OXNAD1: variants seen among roughly 807,000 people sequenced by gnomAD.
The protein encoded by OXNAD1 is oxidoreductase NAD binding domain containing 1, also known as oxidoreductase NAD-binding domain-containing protein 1.
A neutral mutation model predicts 32.9 loss-of-function variants in OXNAD1; 34 were observed. That is an observed-to-expected ratio of 1.03 (90% CI 0.79 to 1.38). OXNAD1 has a LOEUF of 1.38. Ranked by LOEUF, OXNAD1 falls within the 40% of genes most tolerant of loss-of-function variation. OXNAD1 has a pLI of 0.00. For synonymous variants in OXNAD1, 134 were observed against 135.2 expected, an observed-to-expected ratio of 0.99 and a Z score of 0.06; for missense variants, 407 against 379.4, an observed-to-expected ratio of 1.07 and a Z score of -0.60.
intron 4 of OXNAD1, chr3:16,275,291 C>G (rs187297816): frequency 6.5e-6 from 1 of 154,118 alleles, no homozygotes; most frequent in Non-Finnish European, 1.5e-5. Context: ...AATTTGTGGT[C>G]AAGCGCAGTG....
chr3:16,273,771 CTTAA>C (rs1008693208), intron 4 of OXNAD1, among the ~76,000 whole-genome samples: 5 of 152,328 alleles, frequency 3.3e-5, no homozygotes, highest in African/African-American at 1.2e-4. Context: ...CATTAACATA[CTTAA>C]TTATGTTGAC....
chr3:16,306,764 C>T (rs796418928), downstream of OXNAD1, among the ~76,000 whole-genome samples: 10 of 152,196 alleles, frequency 6.6e-5, no homozygotes, highest in African/African-American at 2.4e-4. Flanking sequence ...TGTTTATATT[C>T]GGATTCAAGA....
chr3:16,340,901 G>GGATAT (rs2071274477), downstream of OXNAD1, among the ~76,000 whole-genome samples: 1 of 152,172 alleles, frequency 6.6e-6, no homozygotes, highest in African/African-American at 2.4e-5. Context: ...ATCTGCAAAA[G>GGATAT]CCATATCTGA....
chr3:16,324,318 G>T (rs187807531), intron 9 of OXNAD1, among the ~76,000 whole-genome samples: 1 of 152,244 alleles, frequency 6.6e-6, no homozygotes, highest in Admixed American at 6.5e-5. Flanking sequence ...TTTAGGAACT[G>T]TAAACTATAC....
downstream of OXNAD1, among the ~76,000 whole-genome samples, chr3:16,340,269 C>G (rs760776602): frequency 1.6e-4 from 25 of 152,238 alleles, no homozygotes; most frequent in Non-Finnish European, 3.2e-4. Flanking sequence ...CAAACCGCAG[C>G]ATGAAATAAG....
rs1394570164 is a variant in OXNAD1 at position 16,284,786 on chromosome 3, C to T, written c.184-1556C>T. Reference sequence around the variant, plus strand: ...AGGTAACTTGCCCAGAGTCACACAGCTGGTAAGCGGTAGAGCCAGGACTAA... The same window carrying T: ...AGGTAACTTGCCCAGAGTCACACAGTTGGTAAGCGGTAGAGCCAGGACTAA... On this transcript the variant is annotated intron_variant, in intron 4 of 8. Transcript: ENST00000285083. This position sits in a 1 kb window ranked among gnomAD's most constrained non-coding sequence, Gnocchi z 4.1. Among the ~76,000 whole-genome samples the T allele has an allele frequency of 6.6e-6, 1 of 152,242 alleles. No homozygotes were observed. Among genetic ancestry groups the T allele is most frequent in the African/African-American group, 2.4e-5 (1 of 41,472 alleles).
chr3:16,301,479 C>G lies in OXNAD1; in HGVS notation c.433-147C>G, dbSNP rs2067177074. On this transcript the variant is annotated intron_variant, in intron 6 of 8. Transcript: ENST00000285083. The surrounding 1 kb of genome is among the most constrained non-coding windows in gnomAD (Gnocchi z 4.1). The stretch of plus-strand genomic sequence containing the variant: ...AAAATGAGCAAGTGGAATCAATTCA[C>G]AGGGCATCGGGAAAATTGGGAGCAA... 2 of 936,160 alleles carry G rather than the reference C, an allele frequency of 2.1e-6. No individual in the cohort carries two copies. Among genetic ancestry groups the G allele is most frequent in the Admixed American group, 2.8e-5 (1 of 35,788 alleles). The allele number at this position is 936,160 out of a possible 1,614,324, so 58.0% of individuals were successfully genotyped here. A position where few individuals can be genotyped will look rare whatever the true frequency, so the allele number is the denominator to read the frequency against.
At chr3:16,276,953 C>G (rs1451709243) in intron 4 of OXNAD1, among the ~76,000 whole-genome samples, 2 of 140,550 alleles carry the variant, frequency 1.4e-5, no homozygotes, top group East Asian at 2.0e-4. Flanking sequence ...GACAGAGTCT[C>G]TTTCTTGTTG....
At chr3:16,281,847 A>C (rs2125024220) in intron 4 of OXNAD1, among the ~76,000 whole-genome samples, 1 of 151,930 alleles carries the variant, frequency 6.6e-6, no homozygotes, top group East Asian at 1.9e-4. Flanking sequence ...GTATTTTAAC[A>C]GATTATTATA....
intron 9 of OXNAD1, among the ~76,000 whole-genome samples, chr3:16,332,630 A>G (rs369197392): frequency 6.6e-6 from 1 of 152,160 alleles, no homozygotes; most frequent in African/African-American, 2.4e-5. Flanking sequence ...CTCCCATCCC[A>G]TGGTGATTTA....
At chr3:16,308,184 T>C (rs2067703366), downstream of OXNAD1, among the ~76,000 whole-genome samples, 1 of 152,224 alleles carries the variant, frequency 6.6e-6, no homozygotes, top group Non-Finnish European at 1.5e-5. This position sits in a 1 kb window ranked among gnomAD's most constrained non-coding sequence, Gnocchi z 4.4. Flanking sequence ...GAGTAACACA[T>C]TGAGAACATT....
chr3:16,286,216 T>C (rs1254802527), intron 4 of OXNAD1, 126 bp from the exon 5 acceptor site: 2 of 705,248 alleles, frequency 2.8e-6, no homozygotes, highest in Admixed American at 2.5e-5. Context: ...GTGTTTTACC[T>C]TGTTTGGCAA....
Position 16,271,189 on chromosome 3 carries a change from A to C in OXNAD1, c.119+118A>C. On this transcript the variant is annotated intron_variant, in intron 3 of 8. Coordinates refer to ENST00000285083, the MANE Select transcript of OXNAD1 (RefSeq NM_138381.5). The surrounding 1 kb of genome is among the most constrained non-coding windows in gnomAD (Gnocchi z 4.6). ...AGGTAACACCTTAGCTTCAATGTGC[A>C]TGCTGTCAGGTTGTTAACCGTTTTT... 1 of 1,242,134 alleles carries C rather than the reference A, an allele frequency of 8.1e-7. No homozygotes were observed. Among genetic ancestry groups the C allele is most frequent in the South Asian group, 1.4e-5 (1 of 70,216 alleles). 76.9% of individuals were successfully genotyped at this position (1,242,134 alleles called of 1,614,324 possible).
At chr3:16,310,596 T>C (rs1208592658), downstream of OXNAD1, among the ~76,000 whole-genome samples, 1 of 152,198 alleles carries the variant, frequency 6.6e-6, no homozygotes, top group African/African-American at 2.4e-5. Context: ...TGAATATCTC[T>C]ACTCTTTCTT....
intron 1 of OXNAD1, among the ~76,000 whole-genome samples, chr3:16,268,305 G>C (rs56332731): frequency 0.26 from 33,067 of 126,210 alleles, 5,522 homozygotes; most frequent in African/African-American, 0.5. Context: ...GGATTTTAAA[G>C]AGAACTCCTT....
At chr3:16,268,403 C>T (rs1057112913) in intron 1 of OXNAD1, among the ~76,000 whole-genome samples, 1 of 142,796 alleles carries the variant, frequency 7.0e-6, no homozygotes, top group Non-Finnish European at 1.5e-5. Flanking sequence ...GATCTTGGCC[C>T]ACTGCAACCT....
intron 9 of OXNAD1, among the ~76,000 whole-genome samples, chr3:16,332,979 T>C (rs1396995135): frequency 1.3e-5 from 2 of 152,182 alleles, no homozygotes; most frequent in East Asian, 3.8e-4. Context: ...AAGCATCTGG[T>C]CGCAACAGTT....
At chr3:16,292,605 A>G (rs764535133) in intron 5 of OXNAD1, among the ~76,000 whole-genome samples, 34 of 152,130 alleles carry the variant, frequency 2.2e-4, no homozygotes, top group Non-Finnish European at 4.0e-4. Context: ...CTAAGAAGCC[A>G]TTGCCATGAA....
At chr3:16,323,282 G>C in intron 9 of OXNAD1, 1 of 893,522 alleles carries the variant, frequency 1.1e-6, no homozygotes, top group Non-Finnish European at 1.8e-6. Context: ...GCCCTTGGAA[G>C]CTGGAGCAGG....
Sources: allele counts gnomAD v4.1 joint callset (sites outside exome capture counted in the v4.1 genomes callset), GRCh38; gene constraint gnomAD v4.1.1; non-coding constraint Gnocchi (gnomAD v3.1); transcripts MANE v1.5; gene names NCBI Gene and HGNC (gene_info 2026-07-23, HGNC 2026-07-21).